TTC28: variants seen among roughly 807,000 people sequenced by gnomAD.
TTC28 encodes the protein tetratricopeptide repeat protein 28.
A neutral mutation model predicts 198.0 loss-of-function variants in TTC28; 61 were observed. The observed-to-expected ratio is 0.31, with a 90% CI of 0.25 to 0.38. TTC28 has a LOEUF of 0.38. Among genes scored for constraint, TTC28 ranks in the 10% least tolerant of loss-of-function variants. TTC28 has a pLI of 1.00. For missense variants in TTC28, 2,678 were observed against 3,164.0 expected, an observed-to-expected ratio of 0.85 and a Z score of 3.69; for synonymous variants, 1,171 against 1,297.8, an observed-to-expected ratio of 0.90 and a Z score of 2.10.
At chr22:28,283,770 T>C (rs1170080789) in intron 5 of TTC28, among the ~76,000 whole-genome samples, 1 of 152,176 alleles carries the variant, frequency 6.6e-6, no homozygotes, top group Non-Finnish European at 1.5e-5. Context: ...AGACAGACCT[T>C]GAACTCCTGC....
At chr22:28,297,057 T>C (rs1332437597) in intron 4 of TTC28, among the ~76,000 whole-genome samples, 1 of 152,200 alleles carries the variant, frequency 6.6e-6, no homozygotes, top group Non-Finnish European at 1.5e-5. Context: ...TTGACATATT[T>C]TGTAAGCCCA....
chr22:28,456,756 A>C (rs1016881572), intron 2 of TTC28, among the ~76,000 whole-genome samples: 1 of 152,102 alleles, frequency 6.6e-6, no homozygotes, highest in Non-Finnish European at 1.5e-5. Flanking sequence ...TTGTATTTTT[A>C]GTAGAGACGG....
At chr22:28,439,332 G>A (rs2047577268) in intron 2 of TTC28, among the ~76,000 whole-genome samples, 1 of 151,962 alleles carries the variant, frequency 6.6e-6, no homozygotes, top group Non-Finnish European at 1.5e-5. Flanking sequence ...AATCACTATG[G>A]TTTTTTTTCT....
chr22:28,309,700 A>G (rs759817024), intron 2 of TTC28, among the ~76,000 whole-genome samples: 4 of 152,188 alleles, frequency 2.6e-5, no homozygotes, highest in Non-Finnish European at 5.9e-5. Context: ...CTCTAGGGCA[A>G]TGTTGAATAC....
chr22:28,567,525 T>C (rs1399106543), intron 2 of TTC28, among the ~76,000 whole-genome samples: 1 of 137,732 alleles, frequency 7.3e-6, no homozygotes, highest in Non-Finnish European at 1.6e-5. Flanking sequence ...TACCTATTAA[T>C]GATTAGGATT....
chr22:28,204,477 A>G (rs1030211068), intron 5 of TTC28, among the ~76,000 whole-genome samples: 1 of 152,170 alleles, frequency 6.6e-6, no homozygotes, highest in African/African-American at 2.4e-5. Flanking sequence ...GAAACTGTCC[A>G]CATTTTCCAT....
At chr22:28,091,627 T>A (rs970137875) in intron 12 of TTC28, among the ~76,000 whole-genome samples, 4 of 152,132 alleles carry the variant, frequency 2.6e-5, no homozygotes, top group African/African-American at 4.8e-5. Context: ...CAAAGTCCCA[T>A]CGGCAAGGCT....
intron 12 of TTC28, among the ~76,000 whole-genome samples, chr22:28,061,600 A>G (rs12158391): frequency 4.1e-4 from 62 of 152,298 alleles, no homozygotes; most frequent in African/African-American, 1.4e-3. Flanking sequence ...TACCAGTACC[A>G]TGCTGTTTTG....
chr22:28,291,976 C>T (rs916524616), intron 5 of TTC28, among the ~76,000 whole-genome samples: 1 of 151,734 alleles, frequency 6.6e-6, no homozygotes. Flanking sequence ...ATTATAATTA[C>T]ATATATGACT....
At chr22:28,176,594 G>C (rs998767298) in intron 5 of TTC28, among the ~76,000 whole-genome samples, 2 of 152,110 alleles carry the variant, frequency 1.3e-5, no homozygotes, top group Admixed American at 6.6e-5. Context: ...ACAAATAAAT[G>C]ATAAATGCAT....
intron 14 of TTC28, 133 bp downstream of exon 14, chr22:28,014,115 G>T: frequency 9.0e-7 from 1 of 1,116,198 alleles, no homozygotes; most frequent in Non-Finnish European, 1.2e-6. Context: ...TGGACAGAGC[G>T]GACTTGTGTT....
At chr22:28,116,228 C>A (rs1167344828) in intron 6 of TTC28, among the ~76,000 whole-genome samples, 1 of 152,162 alleles carries the variant, frequency 6.6e-6, no homozygotes, top group African/African-American at 2.4e-5. Flanking sequence ...TGCCTTCATG[C>A]ATAGCCATCC....
chr22:28,474,994 C>G (rs1466895252), intron 2 of TTC28, among the ~76,000 whole-genome samples: 1 of 151,478 alleles, frequency 6.6e-6, no homozygotes, highest in Non-Finnish European at 1.5e-5. Flanking sequence ...GAAAAAGGAA[C>G]AGGCTTTACT....
chr22:28,507,426 T>C (rs1168332709), intron 2 of TTC28, among the ~76,000 whole-genome samples: 1 of 152,162 alleles, frequency 6.6e-6, no homozygotes, highest in Non-Finnish European at 1.5e-5. Context: ...ACTGAACCTA[T>C]GACTGACTGG....
intron 17 of TTC28, among the ~76,000 whole-genome samples, chr22:27,995,050 C>A (rs1016014526): frequency 6.6e-6 from 1 of 152,178 alleles, no homozygotes; most frequent in Non-Finnish European, 1.5e-5. Flanking sequence ...AGACCCTAAG[C>A]TTCAGAAATA....
intron 5 of TTC28, among the ~76,000 whole-genome samples, chr22:28,207,453 G>A (rs1000405496): frequency 3.3e-5 from 5 of 151,892 alleles, no homozygotes; most frequent in African/African-American, 4.8e-5. Context: ...ATGAATCATG[G>A]CTCTACTATT....
At chr22:28,160,260 C>T (rs979822418) in intron 6 of TTC28, among the ~76,000 whole-genome samples, 2 of 152,056 alleles carry the variant, frequency 1.3e-5, no homozygotes, top group Non-Finnish European at 2.9e-5. Context: ...GGATGGATAC[C>T]CCATTCTCCA....
chr22:28,310,801 AGACAGAGTCTTGC>A (rs1701463623), intron 2 of TTC28, among the ~76,000 whole-genome samples: 2 of 142,042 alleles, frequency 1.4e-5, no homozygotes, highest in South Asian at 4.4e-4. Flanking sequence ...TTTTTTTTTG[AGACAGAGTCTTGC>A]TGTCACCCAG....
intron 5 of TTC28, among the ~76,000 whole-genome samples, chr22:28,228,340 T>C (rs1928508668): frequency 1.3e-5 from 2 of 152,210 alleles, no homozygotes; most frequent in Non-Finnish European, 2.9e-5. Context: ...CTGAACTGTG[T>C]AGCTAAAATG....
Sources: gnomAD v4.1 joint callset for allele counts (sites outside exome capture counted in the v4.1 genomes callset) on GRCh38, gnomAD v4.1.1 for gene constraint, MANE v1.5 for transcripts, NCBI Gene and HGNC (gene_info 2026-07-23, HGNC 2026-07-21) for gene names.